The following CELF2 variants were observed in gnomAD, a reference collection of about 807,000 sequenced individuals.
CELF2 encodes CUG triplet repeat RNA-binding protein 2.
Under a neutral mutation model 62.6 loss-of-function variants are expected in CELF2, and 8 were observed. That is an observed-to-expected ratio of 0.13 (90% CI 0.07 to 0.23). The LOEUF (loss-of-function observed/expected upper bound fraction) is 0.23. Among genes scored for constraint, CELF2 ranks in the 10% least tolerant of loss-of-function variants. CELF2 has a pLI of 1.00. For missense variants in CELF2, 333 were observed against 671.0 expected (o/e 0.50, Z 5.56); for synonymous variants, 258 against 250.0 (o/e 1.03, Z -0.30).
chr10:11,228,679 T>C (rs1398058437), intron 3 of CELF2, among the ~76,000 whole-genome samples: 2 of 144,656 alleles, frequency 1.4e-5, no homozygotes, highest in African/African-American at 5.3e-5. Flanking sequence ...CTGCAGCTCA[T>C]AGAGGCACTA....
At position 11,319,699 on chromosome 10, in the gene CELF2, C is replaced by T. The variant is rs1591471000; in HGVS notation, c.1097-1490C>T. ...GCCATTCACACTCGTCTCGCCACCC[C>T]TGCTTGGTGTCTGTTCTGAGAAGCA... On this transcript the variant is annotated intron_variant, in intron 10 of 12. Coordinates refer to ENST00000633077, the MANE Select transcript of CELF2 (RefSeq NM_001326342.2). This position sits in a 1 kb window ranked among gnomAD's most constrained non-coding sequence, Gnocchi z 4.4. The T allele has an allele frequency of 4.4e-6, 2 of 452,024 alleles. No homozygotes were observed. The highest frequency in any genetic ancestry group is 1.4e-4 in the East Asian group (2 of 14,282). 28.0% of individuals were successfully genotyped at this position (452,024 alleles called of 1,614,324 possible).
the CELF2 span, among the ~76,000 whole-genome samples, chr10:10,772,285 T>C: frequency 6.6e-6 from 1 of 152,216 alleles, no homozygotes; most frequent in South Asian, 2.1e-4. Context: ...TTCCCACTGT[T>C]CAACTATATG....
At chr10:11,060,432 G>A (rs375225973) in intron 1 of CELF2, among the ~76,000 whole-genome samples, 4 of 152,144 alleles carry the variant, frequency 2.6e-5, no homozygotes, top group African/African-American at 9.7e-5. Flanking sequence ...TGTAATTAGG[G>A]TATGTGAAAT....
At chr10:11,200,278 T>C (rs557503484) in intron 2 of CELF2, among the ~76,000 whole-genome samples, 1 of 152,336 alleles carries the variant, frequency 6.6e-6, no homozygotes, top group East Asian at 1.9e-4. Context: ...ACATTCAGCC[T>C]CACCTTTGCC....
chr10:10,563,528 A>G, the CELF2 span, among the ~76,000 whole-genome samples: 1 of 151,292 alleles, frequency 6.6e-6, no homozygotes, highest in Non-Finnish European at 1.5e-5. Context: ...GAATCGCTTG[A>G]ACCCAGGAGA....
upstream of CELF2, among the ~76,000 whole-genome samples, chr10:11,016,111 G>A (rs748024083): frequency 2.6e-5 from 4 of 152,112 alleles, no homozygotes; most frequent in Non-Finnish European, 5.9e-5. This position sits in a 1 kb window ranked among gnomAD's most constrained non-coding sequence, Gnocchi z 5.2. Context: ...TGCAAATAAC[G>A]TATGGAAAAC....
chr10:10,691,421 G>C, the CELF2 span, among the ~76,000 whole-genome samples: 5 of 146,794 alleles, frequency 3.4e-5, no homozygotes, highest in Non-Finnish European at 7.5e-5. Context: ...GGACATTTGG[G>C]TTGGTTCCAA....
chr10:10,694,341 C>T, the CELF2 span, among the ~76,000 whole-genome samples: 2 of 150,824 alleles, frequency 1.3e-5, no homozygotes, highest in African/African-American at 4.9e-5. Context: ...ATTCTTAATC[C>T]TGAGTTCTAG....
chr10:10,964,354 G>A (rs1310371452), intron 2 of CELF2, among the ~76,000 whole-genome samples: 1 of 152,168 alleles, frequency 6.6e-6, no homozygotes, highest in Non-Finnish European at 1.5e-5. Context: ...CAGTGATTAA[G>A]GGGGTAAACT....
At chr10:10,496,598 T>C in the CELF2 span, among the ~76,000 whole-genome samples, 5 of 152,174 alleles carry the variant, frequency 3.3e-5, no homozygotes, top group African/African-American at 1.2e-4. Flanking sequence ...AATGCACAGT[T>C]CTTGCCCCTA....
intron 1 of CELF2, among the ~76,000 whole-genome samples, chr10:11,057,242 C>T (rs141517983): frequency 3.3e-5 from 5 of 151,312 alleles, no homozygotes; most frequent in African/African-American, 4.9e-5. Context: ...ATACGAGGTG[C>T]GCCTGCCTGT....
At chr10:11,084,992 T>A (rs1332769955) in intron 1 of CELF2, among the ~76,000 whole-genome samples, 1 of 152,226 alleles carries the variant, frequency 6.6e-6, no homozygotes, top group Non-Finnish European at 1.5e-5. Context: ...TCAAAGGCTT[T>A]GGTTTCTGAA....
chr10:10,768,167 A>G, the CELF2 span, among the ~76,000 whole-genome samples: 1 of 116,748 alleles, frequency 8.6e-6, no homozygotes, highest in Admixed American at 7.5e-5. Context: ...CTCCGTCTCA[A>G]AAAAAAAAAA....
the CELF2 span, among the ~76,000 whole-genome samples, chr10:10,694,551 A>G: frequency 6.6e-6 from 1 of 152,066 alleles, no homozygotes; most frequent in Non-Finnish European, 1.5e-5. Context: ...AGCTGAGTTC[A>G]ATTCCTGGGT....
At chr10:11,245,384 A>G (rs1393565292) in intron 3 of CELF2, among the ~76,000 whole-genome samples, 1 of 152,228 alleles carries the variant, frequency 6.6e-6, no homozygotes, top group Non-Finnish European at 1.5e-5. Flanking sequence ...AGCCATTATT[A>G]ATACAGTCCT....
Position 11,296,088 on chromosome 10 carries a change from T to A in CELF2, c.976+7536T>A, listed in dbSNP as rs1590929518. The stretch of plus-strand genomic sequence containing the variant: ...GATTTATGCAAGTAGATTCCACCTG[T>A]GCCCTGAGCTCTCCTTGGCGGGTGC... On this transcript the variant is annotated intron_variant, in intron 9 of 12. Transcript: ENST00000633077. This position sits in a 1 kb window ranked among gnomAD's most constrained non-coding sequence, Gnocchi z 5.0. Among the ~76,000 whole-genome samples the A allele has an allele frequency of 6.6e-6, 1 of 152,358 alleles. No homozygotes were observed. The highest frequency in any genetic ancestry group is 6.5e-5 in the Admixed American group (1 of 15,310).
At chr10:10,668,626 CTTTGTTATTA>C in the CELF2 span, among the ~76,000 whole-genome samples, 3 of 152,190 alleles carry the variant, frequency 2.0e-5, no homozygotes, top group African/African-American at 4.8e-5. Context: ...TTTTGTTATT[CTTTGTTATTA>C]TTTGCTTTTC....
Position 10,899,572 on chromosome 10 carries a change from G to A in CELF2, c.54-20392G>A, listed in dbSNP as rs562852180. Among the ~76,000 whole-genome samples, 3 of 152,298 alleles carry A rather than the reference G, an allele frequency of 2.0e-5. No homozygotes were observed. The Middle Eastern group carries it at 0.01, about 518-fold the overall frequency. On this transcript the variant is annotated intron_variant, in intron 1 of 13. Coordinates refer to the CELF2 transcript ENST00000636488. ...TTTTTTTCCCCCAACCTTTAAAAAT[G>A]TAAAAACATTCTTAGCTTGCAGACT...
At chr10:11,299,381 T>A (rs2093495312) in intron 9 of CELF2, among the ~76,000 whole-genome samples, 1 of 152,206 alleles carries the variant, frequency 6.6e-6, no homozygotes, top group Non-Finnish European at 1.5e-5. Context: ...TGCCCCCTGC[T>A]ACCATTGGGG....
Sources: gnomAD v4.1 joint callset for allele counts (sites outside exome capture counted in the v4.1 genomes callset) on GRCh38, gnomAD v4.1.1 for gene constraint, Gnocchi (gnomAD v3.1) non-coding constraint, MANE v1.5 for transcripts, NCBI Gene and HGNC (gene_info 2026-07-23, HGNC 2026-07-21) for gene names.